The following CORIN variants were observed in gnomAD, a reference collection of about 807,000 sequenced individuals.
CORIN encodes atrial natriuretic peptide-converting enzyme.
Under a neutral mutation model 125.3 loss-of-function variants are expected in CORIN, and 117 were observed. That is an observed-to-expected ratio of 0.93 (90% CI 0.80 to 1.09). The LOEUF is 1.09. Among genes scored for constraint, CORIN ranks in the 50% least tolerant of loss-of-function variants. The probability of loss-of-function intolerance (pLI) is 0.00; values close to 1 mark genes in which losing one functional copy is unlikely to be tolerated. For synonymous variants in CORIN, 450 were observed against 466.4 expected, an observed-to-expected ratio of 0.96 and a Z score of 0.45; for missense variants, 1,253 against 1,306.7, an observed-to-expected ratio of 0.96 and a Z score of 0.63.
At chr4:47,828,944 G>A (rs1215747110) in intron 1 of CORIN, among the ~76,000 whole-genome samples, 1 of 151,950 alleles carries the variant, frequency 6.6e-6, no homozygotes. Flanking sequence ...GGATCACGAG[G>A]TCAGGAGATC....
chr4:47,623,068 ACC>A (rs1491511476), intron 19 of CORIN, among the ~76,000 whole-genome samples: 4 of 51,766 alleles, frequency 7.7e-5, no homozygotes, highest in African/African-American at 4.2e-4. Flanking sequence ...GCATAACATA[ACC>A]TCTCTCTCTC....
chr4:47,598,929 A>G (rs1375704102), intron 21 of CORIN, among the ~76,000 whole-genome samples: 1 of 152,242 alleles, frequency 6.6e-6, no homozygotes. Context: ...TGTGAAAGAT[A>G]TGGGCTTCCA....
At chr4:47,758,458 C>T (rs886265370) in intron 4 of CORIN, among the ~76,000 whole-genome samples, 7 of 152,024 alleles carry the variant, frequency 4.6e-5, no homozygotes, top group South Asian at 4.1e-4. Context: ...TGACATTTTT[C>T]ACAGAAACAG....
chr4:47,728,125 A>G (rs113301002), intron 5 of CORIN, among the ~76,000 whole-genome samples: 128 of 152,312 alleles, frequency 8.4e-4, no homozygotes, highest in African/African-American at 3.0e-3. Flanking sequence ...GAAGCTCACA[A>G]TGCTATTTAG....
intron 4 of CORIN, among the ~76,000 whole-genome samples, chr4:47,751,261 A>G (rs1728885341): frequency 6.6e-6 from 1 of 152,130 alleles, no homozygotes; most frequent in Admixed American, 6.5e-5. Context: ...CTTCACATAC[A>G]TTATTTTTTC....
intron 9 of CORIN, 76 bp downstream of exon 9, chr4:47,677,862 C>G: frequency 9.3e-7 from 1 of 1,073,312 alleles, no homozygotes; most frequent in Admixed American, 1.7e-5. Context: ...ACTTAAGCAA[C>G]TTCAAATGTG....
At chr4:47,620,435 T>G (rs1448642216) in intron 19 of CORIN, among the ~76,000 whole-genome samples, 1 of 152,234 alleles carries the variant, frequency 6.6e-6, no homozygotes, top group East Asian at 1.9e-4. Flanking sequence ...CCATGATATA[T>G]TGCTCCATGA....
At chr4:47,636,056 C>T (rs1443792652) in intron 16 of CORIN, among the ~76,000 whole-genome samples, 1 of 152,068 alleles carries the variant, frequency 6.6e-6, no homozygotes, top group Non-Finnish European at 1.5e-5. Flanking sequence ...AACCCTTATA[C>T]CAGGGATTAT....
rs114689088 is a variant in CORIN, at chr4:47,750,152, G to A, written c.618-5569C>T. Among the ~76,000 whole-genome samples the A allele has an allele frequency of 7.9e-3, 1,207 of 152,232 alleles. 17 individuals are homozygous for A. The highest frequency in any genetic ancestry group is 0.027 in the African/African-American group (1,132 of 41,536). ...CTCCCTATGATAAGCGAACAGCATT[G>A]GTTTCCTATGTCAGCATCTTCTGCG... On this transcript the variant is annotated intron_variant, in intron 4 of 21. Coordinates refer to ENST00000273857, the MANE Select transcript of CORIN (RefSeq NM_006587.4).
At chr4:47,804,786 G>T (rs945224660) in intron 2 of CORIN, among the ~76,000 whole-genome samples, 2 of 151,512 alleles carry the variant, frequency 1.3e-5, no homozygotes, top group African/African-American at 2.4e-5. Context: ...TAGAAAGAAT[G>T]AATAAGATAT....
chr4:47,831,187 A>G (rs2109990145), intron 1 of CORIN, among the ~76,000 whole-genome samples: 1 of 152,358 alleles, frequency 6.6e-6, no homozygotes, highest in South Asian at 2.1e-4. Flanking sequence ...AAGCATTGAC[A>G]CTGCATTTGT....
rs1411929514 is a variant in CORIN at position 47,665,153 on chromosome 4, C to T, written c.1468G>A (p.Glu490Lys). ...RTQKEASISW[E>K]SSLFPALVQT... is the part of the protein sequence containing the mutation. ...ACAAGTGCAGGGAAAAGAGAAGACT[C>T]CCAGCTGATGGATGCTTCCTTTTGA... The change falls in exon 11 of 22, where the codon GAG becomes AAG. Residue 490 changes from glutamate (E) to lysine (K), a missense_variant. Physicochemically the swap from Glu to Lys is moderately conservative, Grantham distance 56 (BLOSUM62 1). Coordinates refer to ENST00000273857, the MANE Select transcript of CORIN (RefSeq NM_006587.4). The T allele has an allele frequency of 6.2e-7, 1 of 1,613,848 alleles. No individual in the cohort carries two copies. Among genetic ancestry groups the T allele is most frequent in the South Asian group, 1.1e-5 (1 of 91,068 alleles).
chr4:47,708,893 A>G (rs1224365447), intron 5 of CORIN, among the ~76,000 whole-genome samples: 1 of 152,228 alleles, frequency 6.6e-6, no homozygotes, highest in Non-Finnish European at 1.5e-5. Flanking sequence ...AGAATGTTCA[A>G]AAGACTGGGG....
intron 5 of CORIN, among the ~76,000 whole-genome samples, chr4:47,718,569 A>C (rs189312069): frequency 6.6e-6 from 1 of 152,356 alleles, no homozygotes; most frequent in East Asian, 1.9e-4. Context: ...AGCAGATGAC[A>C]GTTGTCATTG....
rs566304016 is a variant in CORIN at position 47,603,553 on chromosome 4, G to C, written c.2656C>G (p.Arg886Gly). ...KTIILHPRYS[R>G]AVVDYDISIV... ...CTGATGTCATAGTCCACCACTGCTC[G>C]ACTGTAGCGGGGATGCAGGATGATG... The change falls in exon 20 of 22, where the codon CGA (arginine) becomes GGA (glycine). Residue 886 changes from arginine (R) to glycine (G), a missense_variant. Transcript: ENST00000273857. 6.2e-7 allele frequency: 1 copy of C among 1,614,154 alleles called. No homozygotes were observed. The highest frequency in any genetic ancestry group is 8.5e-7 in the Non-Finnish European group (1 of 1,180,028).
intron 5 of CORIN, among the ~76,000 whole-genome samples, chr4:47,740,263 G>A (rs763496275): frequency 2.0e-5 from 3 of 151,852 alleles, no homozygotes; most frequent in African/African-American, 7.2e-5. Flanking sequence ...CTATTGCTGG[G>A]TGGAGTGTAC....
intron 9 of CORIN, among the ~76,000 whole-genome samples, chr4:47,677,339 A>C (rs1389624897): frequency 6.6e-6 from 1 of 152,206 alleles, no homozygotes; most frequent in Non-Finnish European, 1.5e-5. Context: ...GTGTAGTATA[A>C]ACAAATGTGA....
At chr4:47,732,309 A>T (rs1459864649) in intron 5 of CORIN, among the ~76,000 whole-genome samples, 1 of 152,122 alleles carries the variant, frequency 6.6e-6, no homozygotes, top group African/African-American at 2.4e-5. Context: ...ACCAACAGAG[A>T]CAAAAGTCTT....
chr4:47,635,301 T>A (rs1233143145), intron 16 of CORIN, among the ~76,000 whole-genome samples: 1 of 147,316 alleles, frequency 6.8e-6, no homozygotes, highest in African/African-American at 2.5e-5. Context: ...GAGGAACAAA[T>A]TACAAACATG....
Sources: gnomAD v4.1 joint callset for allele counts (sites outside exome capture counted in the v4.1 genomes callset) on GRCh38, gnomAD v4.1.1 for gene constraint, MANE v1.5 for transcripts, NCBI Gene and HGNC (gene_info 2026-07-23, HGNC 2026-07-21) for gene names.